The following HS3ST4 variants were observed in gnomAD, a reference collection of about 807,000 sequenced individuals.
The protein encoded by HS3ST4 is heparan sulfate glucosamine 3-O-sulfotransferase 4.
HS3ST4 carries 17 observed loss-of-function variants against 29.2 expected under a neutral mutation model. That is an observed-to-expected ratio of 0.58 (90% confidence interval 0.40 to 0.87). HS3ST4 has a LOEUF of 0.87. HS3ST4 is among the 40% of genes least tolerant of loss of function. The probability of loss-of-function intolerance (pLI) is 0.00; values close to 1 mark genes in which losing one functional copy is unlikely to be tolerated. For synonymous variants in HS3ST4, 314 were observed against 285.7 expected (o/e 1.10, Z -1.00); for missense variants, 627 against 634.5 (o/e 0.99, Z 0.13).
At chr16:25,867,161 G>A (rs954028968) in intron 1 of HS3ST4, among the ~76,000 whole-genome samples, 2 of 152,168 alleles carry the variant, frequency 1.3e-5, no homozygotes, top group African/African-American at 4.8e-5. Context: ...TGAGTTTAAA[G>A]ACCTGTCAGA....
At chr16:25,723,722 C>A (rs1477435008) in intron 1 of HS3ST4, among the ~76,000 whole-genome samples, 1 of 152,182 alleles carries the variant, frequency 6.6e-6, no homozygotes, top group East Asian at 1.9e-4. Context: ...TACTACTGTT[C>A]TCCAGTCATC....
At chr16:25,873,654 GTCCGTCCA>G (rs1437801220) in intron 1 of HS3ST4, among the ~76,000 whole-genome samples, 17 of 32,966 alleles carry the variant, frequency 5.2e-4, no homozygotes, top group African/African-American at 1.5e-3. Context: ...CCATCCATCC[GTCCGTCCA>G]TCCATCCATC....
chr16:25,951,441 A>G lies in HS3ST4; in HGVS notation c.735-184171A>G, dbSNP rs530208013. Among the ~76,000 whole-genome samples the G allele has an allele frequency of 5.3e-5, 8 of 152,320 alleles. No individual in the cohort carries two copies. The East Asian group carries it at 1.5e-3, about 29-fold the overall frequency. The stretch of plus-strand genomic sequence containing the variant: ...ACCTATGAAATGGAGATAATAATAC[A>G]TTCCTAAATGTGTCTTGATGAGGAT... On this transcript the variant is annotated intron_variant, in intron 1 of 1. Coordinates refer to ENST00000331351, the MANE Select transcript of HS3ST4 (RefSeq NM_006040.3).
chr16:25,928,951 A>G (rs561085729), intron 1 of HS3ST4, among the ~76,000 whole-genome samples: 1 of 152,302 alleles, frequency 6.6e-6, no homozygotes. Flanking sequence ...GGGAGAGAGC[A>G]TTTAGAGAAC....
At chr16:25,751,486 G>A (rs1469032815) in intron 1 of HS3ST4, among the ~76,000 whole-genome samples, 1 of 152,186 alleles carries the variant, frequency 6.6e-6, no homozygotes, top group East Asian at 1.9e-4. Context: ...GAGTGCTGGA[G>A]TGACATTGAT....
chr16:25,712,333 G>A (rs1009825853), intron 1 of HS3ST4, among the ~76,000 whole-genome samples: 1 of 152,148 alleles, frequency 6.6e-6, no homozygotes, highest in Non-Finnish European at 1.5e-5. Context: ...ACCAGCTTGG[G>A]CAACATAGTG....
intron 1 of HS3ST4, among the ~76,000 whole-genome samples, chr16:25,699,859 G>A (rs950296763): frequency 5.3e-5 from 8 of 152,166 alleles, no homozygotes; most frequent in Non-Finnish European, 5.9e-5. Flanking sequence ...AAAGGATTAC[G>A]TGAGGATGAC....
At chr16:25,828,242 C>CTTTCTCTT (rs1371928058) in intron 1 of HS3ST4, among the ~76,000 whole-genome samples, 44 of 75,000 alleles carry the variant, frequency 5.9e-4, no homozygotes, top group African/African-American at 1.7e-3. Flanking sequence ...TTCTTTCTTT[C>CTTTCTCTT]TCTTTCTTTC....
intron 1 of HS3ST4, among the ~76,000 whole-genome samples, chr16:25,983,948 C>T (rs1260201843): frequency 6.6e-6 from 1 of 151,784 alleles, no homozygotes; most frequent in African/African-American, 2.4e-5. Context: ...ATTTTTATTT[C>T]TTTAAATTGA....
intron 1 of HS3ST4, among the ~76,000 whole-genome samples, chr16:25,735,235 T>C (rs1301207493): frequency 6.6e-6 from 1 of 152,150 alleles, no homozygotes; most frequent in Non-Finnish European, 1.5e-5. Context: ...ATGCTTCCCC[T>C]TGCAATAATT....
At chr16:25,802,229 T>C (rs988794766) in intron 1 of HS3ST4, among the ~76,000 whole-genome samples, 2 of 152,124 alleles carry the variant, frequency 1.3e-5, no homozygotes, top group Non-Finnish European at 2.9e-5. Flanking sequence ...GTAAACAGAA[T>C]TTTATAAATT....
intron 1 of HS3ST4, among the ~76,000 whole-genome samples, chr16:26,003,570 A>C (rs1299186719): frequency 6.6e-6 from 1 of 152,202 alleles, no homozygotes; most frequent in Non-Finnish European, 1.5e-5. Context: ...CCAGTTTAGC[A>C]ATCTTAGCAG....
chr16:26,008,915 T>A lies in HS3ST4; in HGVS notation c.735-126697T>A, dbSNP rs1969283419. ...CTAGTCAGCTTCAGGGTCTAAGTCATTTCACATTTGCCATCTTAGCAGCAC... is the reference window on the plus strand; with the variant it reads ...CTAGTCAGCTTCAGGGTCTAAGTCAATTCACATTTGCCATCTTAGCAGCAC... On this transcript the variant is annotated intron_variant, in intron 1 of 1. Coordinates refer to ENST00000331351, the MANE Select transcript of HS3ST4 (RefSeq NM_006040.3). Among the ~76,000 whole-genome samples, 3 of 152,314 alleles carry A rather than the reference T, an allele frequency of 2.0e-5. No individual in the cohort carries two copies. In the South Asian group the frequency reaches 6.2e-4, roughly 32 times the overall value.
chr16:25,894,438 C>T (rs781425919), intron 1 of HS3ST4, among the ~76,000 whole-genome samples: 15 of 151,632 alleles, frequency 9.9e-5, no homozygotes, highest in African/African-American at 3.6e-4. Flanking sequence ...AAATATCCCC[C>T]GGCCCCTCTG....
At chr16:26,133,942 T>G (rs762886181) in intron 1 of HS3ST4, among the ~76,000 whole-genome samples, 2 of 152,242 alleles carry the variant, frequency 1.3e-5, no homozygotes, top group Non-Finnish European at 2.9e-5. Flanking sequence ...CCTGCTGTAC[T>G]GACAGGTATT....
At chr16:25,810,912 A>G (rs976683230) in intron 1 of HS3ST4, among the ~76,000 whole-genome samples, 8 of 151,874 alleles carry the variant, frequency 5.3e-5, no homozygotes, top group African/African-American at 1.9e-4. Context: ...AACTCAGGAG[A>G]AAAAAAATGG....
chr16:25,972,962 G>A (rs1362967522), intron 1 of HS3ST4, among the ~76,000 whole-genome samples: 1 of 152,126 alleles, frequency 6.6e-6, no homozygotes, highest in Non-Finnish European at 1.5e-5. Flanking sequence ...AATATTTATT[G>A]AGTTTCCTAC....
intron 1 of HS3ST4, among the ~76,000 whole-genome samples, chr16:26,073,888 C>T (rs915873613): frequency 4.6e-5 from 7 of 152,134 alleles, no homozygotes; most frequent in African/African-American, 9.7e-5. Context: ...CTCTACCTCT[C>T]GGGTTACCAC....
intron 1 of HS3ST4, among the ~76,000 whole-genome samples, chr16:25,824,485 TGG>T (rs942290946): frequency 8.5e-5 from 13 of 152,202 alleles, no homozygotes; most frequent in African/African-American, 3.1e-4. Flanking sequence ...ATGTCTTACA[TGG>T]CAGCAGGCAA....
Sources: gnomAD v4.1 joint callset for allele counts (sites outside exome capture counted in the v4.1 genomes callset) on GRCh38, gnomAD v4.1.1 for gene constraint, MANE v1.5 for transcripts, NCBI Gene and HGNC (gene_info 2026-07-23, HGNC 2026-07-21) for gene names.